NRXN3: variants seen among roughly 807,000 people sequenced by gnomAD.
NRXN3 encodes the protein neurexin 3, also known as neurexin III.
NRXN3 carries 32 observed loss-of-function variants against 137.6 expected under a neutral mutation model. The observed-to-expected ratio is 0.23, with a 90% CI of 0.18 to 0.31. The LOEUF (loss-of-function observed/expected upper bound fraction) is 0.31, where lower values mean the gene tolerates loss of function less well. Ranked by LOEUF, NRXN3 falls within the 10% of genes least tolerant of loss-of-function variation. The pLI is 1.00. For missense variants in NRXN3, 1,574 were observed against 2,062.5 expected (o/e 0.76, Z 4.59); for synonymous variants, 798 against 784.5 (o/e 1.02, Z -0.29).
chr14:78,898,983 G>C (rs1201010917), intron 10 of NRXN3, among the ~76,000 whole-genome samples: 1 of 151,958 alleles, frequency 6.6e-6, no homozygotes, highest in Non-Finnish European at 1.5e-5. Flanking sequence ...AGAAAGAGCA[G>C]ACTGGCTGGT....
chr14:79,507,533 A>G (rs544914600), intron 16 of NRXN3, among the ~76,000 whole-genome samples: 22 of 152,332 alleles, frequency 1.4e-4, no homozygotes, highest in Non-Finnish European at 2.5e-4. Context: ...GATTAATAAA[A>G]TACCAGGAAG....
At chr14:79,583,221 C>G (rs562146209) in intron 16 of NRXN3, among the ~76,000 whole-genome samples, 1 of 152,134 alleles carries the variant, frequency 6.6e-6, no homozygotes, top group African/African-American at 2.4e-5. Context: ...CTCTGAGCCT[C>G]GGGTTTCTCA....
At chr14:79,683,442 T>C (rs946495198) in intron 17 of NRXN3, among the ~76,000 whole-genome samples, 3 of 152,200 alleles carry the variant, frequency 2.0e-5, no homozygotes, top group Non-Finnish European at 2.9e-5. Context: ...ACAGTGTATC[T>C]TCATTTCCCT....
intron 4 of NRXN3, among the ~76,000 whole-genome samples, chr14:78,627,104 T>TTCTCTCTCTCTCTCTCTCTC (rs68104206): frequency 5.8e-5 from 7 of 120,984 alleles, no homozygotes; most frequent in African/African-American, 2.2e-4. Flanking sequence ...CCTCCCTCCC[T>TTCTCTCTCTCTCTCTCTCTC]TCTCTCTCTC....
chr14:79,193,840 AC>A (rs1333146437), intron 15 of NRXN3, among the ~76,000 whole-genome samples: 1 of 152,218 alleles, frequency 6.6e-6, no homozygotes, highest in African/African-American at 2.4e-5. Context: ...TGAATTTCCT[AC>A]AAAGTATGGA....
intron 15 of NRXN3, among the ~76,000 whole-genome samples, chr14:79,298,435 C>T (rs1015824432): frequency 1.3e-5 from 2 of 152,000 alleles, no homozygotes; most frequent in Admixed American, 1.3e-4. Context: ...GCCAGGTGAT[C>T]GAGCATTCTT....
chr14:79,689,724 C>T (rs1346787061), intron 17 of NRXN3, among the ~76,000 whole-genome samples: 2 of 152,064 alleles, frequency 1.3e-5, no homozygotes, highest in Admixed American at 1.3e-4. Flanking sequence ...ATAGTTATCT[C>T]TTTTTCTAGC....
intron 19 of NRXN3, among the ~76,000 whole-genome samples, chr14:79,700,486 T>G (rs1320644734): frequency 1.3e-5 from 2 of 152,098 alleles, no homozygotes; most frequent in Non-Finnish European, 2.9e-5. Flanking sequence ...TTTCCTAAAA[T>G]GAGACTCCTC....
At position 78,936,422 on chromosome 14, in the gene NRXN3, G is replaced by A. The variant is rs576938914; in HGVS notation, c.2276-20820G>A. Among the ~76,000 whole-genome samples, 5 of 152,186 alleles carry A rather than the reference G, an allele frequency of 3.3e-5. No individual in the cohort carries two copies. In the East Asian group the frequency reaches 5.8e-4, roughly 18 times the overall value. On this transcript the variant is annotated intron_variant, in intron 10 of 20. Coordinates refer to ENST00000335750, the MANE Select transcript of NRXN3 (RefSeq NM_001330195.2). ...AAGGAAGAATTTCACTATAAAAGAC[G>A]CCAGAGGAAAAAAGAGTACATATTG...
In NRXN3 at chr14:79,542,138, A is replaced by G. The variant is rs539839258; in HGVS notation, c.3444+74736A>G. Among the ~76,000 whole-genome samples, 7 of 152,168 alleles carry G rather than the reference A, an allele frequency of 4.6e-5. No individual in the cohort carries two copies. In the East Asian group the frequency reaches 1.2e-3, roughly 25 times the overall value. On this transcript the variant is annotated intron_variant, in intron 16 of 20. Coordinates refer to ENST00000335750, the MANE Select transcript of NRXN3 (RefSeq NM_001330195.2). ...TAAATTAAGATGTAGCTTTGTTTTG[A>G]CTCAGTTTATCATGGTCTCAGAGTG... is the stretch of plus-strand genomic sequence containing the variant.
chr14:79,005,099 A>C (rs1202874407), intron 15 of NRXN3, among the ~76,000 whole-genome samples: 2 of 151,878 alleles, frequency 1.3e-5, no homozygotes, highest in African/African-American at 4.8e-5. Context: ...CATACCTTAA[A>C]CCTCCTGACA....
chr14:78,479,752 T>G lies in NRXN3; in HGVS notation c.758-165368T>G, dbSNP rs370007587. ...AGTTGAATGTGTGACCCTATGAAGGTTTTTGTAATTATTTTATGCTATATT... is the reference window on the plus strand; with the variant it reads ...AGTTGAATGTGTGACCCTATGAAGGGTTTTGTAATTATTTTATGCTATATT... On this transcript the variant is annotated intron_variant, in intron 4 of 20. Coordinates refer to ENST00000335750, the MANE Select transcript of NRXN3 (RefSeq NM_001330195.2). Among the ~76,000 whole-genome samples the G allele has an allele frequency of 8.5e-5, 13 of 152,242 alleles. No homozygotes were observed. In the South Asian group the frequency reaches 2.1e-3, roughly 24 times the overall value.
chr14:79,745,964 A>G (rs1299703355), intron 19 of NRXN3, among the ~76,000 whole-genome samples: 2 of 152,176 alleles, frequency 1.3e-5, no homozygotes, highest in African/African-American at 4.8e-5. Context: ...CAACTCCAGT[A>G]TGATCTCATC....
At chr14:79,449,914 C>T (rs898827371) in intron 15 of NRXN3, among the ~76,000 whole-genome samples, 2 of 149,158 alleles carry the variant, frequency 1.3e-5, no homozygotes, top group African/African-American at 5.0e-5. Context: ...TCACTTGAAC[C>T]TGGGAGGTGG....
intron 4 of NRXN3, among the ~76,000 whole-genome samples, chr14:78,624,747 C>T (rs2097438699): frequency 6.6e-6 from 1 of 152,206 alleles, no homozygotes; most frequent in African/African-American, 2.4e-5. Context: ...AGCCCTGGCT[C>T]TGCATCTGGC....
intron 4 of NRXN3, among the ~76,000 whole-genome samples, chr14:78,351,739 C>A (rs2083521260): frequency 6.8e-6 from 1 of 146,856 alleles, no homozygotes; most frequent in Non-Finnish European, 1.5e-5. Flanking sequence ...TATATAATAT[C>A]TTTCCCAGTG....
intron 15 of NRXN3, among the ~76,000 whole-genome samples, chr14:79,323,015 A>C (rs1196351582): frequency 6.6e-6 from 1 of 152,140 alleles, no homozygotes; most frequent in Non-Finnish European, 1.5e-5. Flanking sequence ...ATCTGTTGCA[A>C]TACATACACT....
At chr14:79,525,907 G>T (rs985624021) in intron 16 of NRXN3, among the ~76,000 whole-genome samples, 2 of 152,078 alleles carry the variant, frequency 1.3e-5, no homozygotes, top group African/African-American at 4.8e-5. Context: ...TTAGGGACAG[G>T]GTCTCACTCT....
At chr14:79,684,825 G>A (rs979904435) in intron 17 of NRXN3, among the ~76,000 whole-genome samples, 12 of 152,164 alleles carry the variant, frequency 7.9e-5, no homozygotes, top group Admixed American at 1.3e-4. Context: ...TGGGGATGGG[G>A]AGTGGGAGGA....
Sources: gnomAD v4.1 joint callset for allele counts (sites outside exome capture counted in the v4.1 genomes callset) on GRCh38, gnomAD v4.1.1 for gene constraint, MANE v1.5 for transcripts, NCBI Gene and HGNC (gene_info 2026-07-23, HGNC 2026-07-21) for gene names.